Variants in C12orf42 observed in about 807,000 individuals in gnomAD.
C12orf42 encodes uncharacterized protein C12orf42.
Under a neutral mutation model 21.6 loss-of-function variants are expected in C12orf42, and 25 were observed. That is an observed-to-expected ratio of 1.16 (90% confidence interval 0.84 to 1.62). The LOEUF is 1.62. C12orf42 is among the 40% of genes most tolerant of loss of function. The pLI is 0.00. For synonymous variants in C12orf42, 174 were observed against 175.0 expected (o/e 0.99, Z 0.05); for missense variants, 483 against 459.3 (o/e 1.05, Z -0.47).
chr12:103,357,296 T>A (rs2043675320), intron 4 of C12orf42, among the ~76,000 whole-genome samples: 1 of 151,336 alleles, frequency 6.6e-6, no homozygotes, highest in African/African-American at 2.4e-5. Flanking sequence ...TAAAGTATAA[T>A]AATAATAAAA....
the C12orf42 span, chr12:103,505,737 G>A: frequency 1.4e-5 from 3 of 208,230 alleles, no homozygotes; most frequent in Non-Finnish European, 2.8e-5. Context: ...AGGGGATTTT[G>A]TTCTTTCTGT....
chr12:103,394,140 T>G (rs545037931), intron 3 of C12orf42, among the ~76,000 whole-genome samples: 2 of 152,296 alleles, frequency 1.3e-5, no homozygotes, highest in African/African-American at 4.8e-5. Flanking sequence ...AGCACTTAGT[T>G]GAATATAAAA....
the C12orf42 span, among the ~76,000 whole-genome samples, chr12:103,540,228 G>A: frequency 6.6e-6 from 1 of 152,094 alleles, no homozygotes; most frequent in East Asian, 1.9e-4. Context: ...GGCTGTTCTC[G>A]AACTCCTGAC....
the C12orf42 span, among the ~76,000 whole-genome samples, chr12:103,069,275 T>C: frequency 6.6e-6 from 1 of 151,870 alleles, no homozygotes; most frequent in Admixed American, 6.6e-5. Context: ...ATATATTTCC[T>C]TGGATATTTT....
chr12:103,089,409 C>T, the C12orf42 span, among the ~76,000 whole-genome samples: 3 of 152,162 alleles, frequency 2.0e-5, no homozygotes, highest in African/African-American at 7.2e-5. Context: ...ACAGAGTCAG[C>T]CTAGAACACT....
chr12:103,483,533 C>T (rs1236259118), intron 1 of C12orf42, among the ~76,000 whole-genome samples: 1 of 152,116 alleles, frequency 6.6e-6, no homozygotes, highest in Non-Finnish European at 1.5e-5. Flanking sequence ...TTTATGAGAG[C>T]TGGCTTGTAG....
chr12:103,338,114 C>T (rs955888717), intron 4 of C12orf42, among the ~76,000 whole-genome samples: 7 of 152,144 alleles, frequency 4.6e-5, no homozygotes, highest in East Asian at 1.9e-4. Context: ...AGCCACTAGC[C>T]GGAGGTAGCT....
At chr12:103,401,574 AGCAGCCCT>A in intron 3 of C12orf42, 25 bp downstream of exon 3, 4 of 1,596,344 alleles carry the variant, frequency 2.5e-6, no homozygotes, top group Non-Finnish European at 3.4e-6. Context: ...GGCACTATGG[AGCAGCCCT>A]GCACATAACA....
the C12orf42 span, among the ~76,000 whole-genome samples, chr12:103,108,777 A>T: frequency 1.3e-5 from 2 of 152,158 alleles, no homozygotes; most frequent in African/African-American, 4.8e-5. Flanking sequence ...TTAGCCAAGG[A>T]CCAAGATAAA....
At chr12:103,508,363 G>A in the C12orf42 span, among the ~76,000 whole-genome samples, 2 of 152,136 alleles carry the variant, frequency 1.3e-5, no homozygotes, top group Non-Finnish European at 2.9e-5. Flanking sequence ...TTATTTCCCA[G>A]GAGCTTTATA....
At chr12:103,370,562 A>G (rs1021197636) in intron 3 of C12orf42, among the ~76,000 whole-genome samples, 1 of 152,152 alleles carries the variant, frequency 6.6e-6, no homozygotes, top group African/African-American at 2.4e-5. Context: ...AAAAAGAATG[A>G]GATCATGTTT....
the C12orf42 span, among the ~76,000 whole-genome samples, chr12:103,060,136 C>T: frequency 1.3e-5 from 2 of 152,184 alleles, no homozygotes; most frequent in South Asian, 2.1e-4. Context: ...AGCAAAGTCT[C>T]AGGATACAAA....
At chr12:103,352,462 T>A (rs2043181294) in intron 4 of C12orf42, among the ~76,000 whole-genome samples, 1 of 152,138 alleles carries the variant, frequency 6.6e-6, no homozygotes, top group African/African-American at 2.4e-5. Flanking sequence ...TTTCAGTTGC[T>A]CCCTCTATCC....
At chr12:103,055,677 G>A in the C12orf42 span, among the ~76,000 whole-genome samples, 2 of 151,906 alleles carry the variant, frequency 1.3e-5, no homozygotes, top group Non-Finnish European at 2.9e-5. Context: ...TCTAATGTAT[G>A]AATTCAGTAC....
At chr12:103,125,034 T>C in the C12orf42 span, among the ~76,000 whole-genome samples, 1 of 152,150 alleles carries the variant, frequency 6.6e-6, no homozygotes, top group Non-Finnish European at 1.5e-5. Context: ...GTTGGTAAAA[T>C]GGGTTTTCAT....
intron 4 of C12orf42, among the ~76,000 whole-genome samples, chr12:103,326,937 C>A (rs1168413802): frequency 4.6e-5 from 7 of 152,304 alleles, no homozygotes; most frequent in African/African-American, 1.7e-4. Flanking sequence ...ACTGCCTAGA[C>A]CAGTGTCCAG....
intron 1 of C12orf42, among the ~76,000 whole-genome samples, chr12:103,487,763 G>C (rs576220499): frequency 6.6e-6 from 1 of 152,172 alleles, no homozygotes; most frequent in East Asian, 1.9e-4. Context: ...TTTTATTCAA[G>C]ACTAGGCTTG....
In C12orf42 at chr12:103,401,091, C is replaced by G. The variant is rs545693974; in HGVS notation, c.147+516G>C. Among the ~76,000 whole-genome samples, 3 of 152,218 alleles carry G rather than the reference C, an allele frequency of 2.0e-5. No individual in the cohort carries two copies. The South Asian group carries it at 6.2e-4, about 32-fold the overall frequency. ...ACCATCTCCATGTTCACATCGTAGT[C>G]ATTCATAGTCATGCATATGCACATC... is the stretch of plus-strand genomic sequence containing the variant. On this transcript the variant is annotated intron_variant, in intron 3 of 5. Coordinates refer to ENST00000548883, the MANE Select transcript of C12orf42 (RefSeq NM_198521.5).
intron 4 of C12orf42, among the ~76,000 whole-genome samples, chr12:103,282,650 C>T (rs956612399): frequency 1.3e-5 from 2 of 152,106 alleles, no homozygotes; most frequent in Admixed American, 1.3e-4. Context: ...CATGATTAAG[C>T]AATACATGGC....
Sources: allele counts gnomAD v4.1 joint callset (sites outside exome capture counted in the v4.1 genomes callset), GRCh38; gene constraint gnomAD v4.1.1; transcripts MANE v1.5; gene names NCBI Gene and HGNC (gene_info 2026-07-23, HGNC 2026-07-21).